The following EYA1 variants were observed in gnomAD, a reference collection of about 807,000 sequenced individuals.
The protein encoded by EYA1 is EYA transcriptional coactivator and phosphatase 1.
A neutral mutation model predicts 82.0 loss-of-function variants in EYA1; 16 were observed. The ratio of observed to expected loss-of-function variants is 0.20; its 90% CI spans 0.13 to 0.30. EYA1 has a LOEUF of 0.30. Among genes scored for constraint, EYA1 ranks in the 10% least tolerant of loss-of-function variants. EYA1 has a pLI of 1.00. For missense variants in EYA1, 633 were observed against 730.7 expected (o/e 0.87, Z 1.54); for synonymous variants, 261 against 264.4 (o/e 0.99, Z 0.12).
chr8:71,463,168 G>A lies in EYA1; in HGVS notation c.33+72576C>T, dbSNP rs184098061. On this transcript the variant is annotated intron_variant, in intron 2 of 18. Transcript: ENST00000643681. ...CAATTTGGGACTAACCACATTTCAC[G>A]TGTTCAATAGCCACATGTGGCTAGT... 1.6e-4 allele frequency among the ~76,000 whole-genome samples: 24 copies of A among 152,216 alleles called. No individual in the cohort carries two copies. In the East Asian group the frequency reaches 4.4e-3, roughly 28 times the overall value.
chr8:71,386,665 T>C (rs965860701), intron 2 of EYA1, among the ~76,000 whole-genome samples: 2 of 152,174 alleles, frequency 1.3e-5, no homozygotes, highest in African/African-American at 4.8e-5. Context: ...TTCTCCATTG[T>C]GTATAATCCA....
chr8:71,518,792 G>A (rs1813174184), intron 2 of EYA1, among the ~76,000 whole-genome samples: 1 of 152,032 alleles, frequency 6.6e-6, no homozygotes, highest in Non-Finnish European at 1.5e-5. Context: ...GGCAAGAAAC[G>A]GGGTTGACAT....
intron 9 of EYA1, among the ~76,000 whole-genome samples, chr8:71,276,758 C>G (rs924192940): frequency 2.0e-5 from 3 of 152,150 alleles, no homozygotes; most frequent in African/African-American, 7.2e-5. Context: ...GAAACAGGAA[C>G]GACAGTCTAG....
chr8:71,504,393 A>C (rs1468004679), intron 2 of EYA1, among the ~76,000 whole-genome samples: 3 of 152,218 alleles, frequency 2.0e-5, no homozygotes, highest in Non-Finnish European at 4.4e-5. Flanking sequence ...GTCCCATTTT[A>C]GTATGGTTAT....
In EYA1 at chr8:71,357,751, C is replaced by T. The variant is rs150101209; in HGVS notation, c.-54-1240G>A. Among the ~76,000 whole-genome samples, 132 of 152,150 alleles carry T rather than the reference C, an allele frequency of 8.7e-4. 1 individual carries two copies. Among genetic ancestry groups the T allele is most frequent in the Middle Eastern group, 3.4e-3 (1 of 294 alleles). On this transcript the variant is annotated intron_variant, in intron 1 of 17. Coordinates refer to ENST00000340726, the MANE Select transcript of EYA1 (RefSeq NM_000503.6). ...GTCCAACTGTCTTGGTATAATGTTACGTAAAATTTCTAGGTATGTTTCTAC... is the reference window on the plus strand; with the variant it reads ...GTCCAACTGTCTTGGTATAATGTTATGTAAAATTTCTAGGTATGTTTCTAC...
intron 9 of EYA1, among the ~76,000 whole-genome samples, chr8:71,286,914 GC>G (rs929977524): frequency 2.7e-5 from 4 of 146,628 alleles, no homozygotes; most frequent in Non-Finnish European, 4.5e-5. Flanking sequence ...GCAATTCCCC[GC>G]CTCAGACTCC....
At chr8:71,210,563 C>T (rs1018602236) in intron 17 of EYA1, among the ~76,000 whole-genome samples, 2 of 152,196 alleles carry the variant, frequency 1.3e-5, no homozygotes, top group Admixed American at 1.3e-4. Flanking sequence ...GATAGAATTA[C>T]ACCTGCAGAG....
Position 71,523,173 on chromosome 8 carries a change from C to CTTTTTTTTTTTTTTTTTTTTT in EYA1, c.33+12570_33+12571insAAAAAAAAAAAAAAAAAAAAA, listed in dbSNP as rs201950125. Among the ~76,000 whole-genome samples, 50 of 110,850 alleles carry CTTTTTTTTTTTTTTTTTTTTT rather than the reference C, an allele frequency of 4.5e-4. 3 individuals carry two copies. The highest frequency in any genetic ancestry group is 9.7e-4 in the South Asian group (3 of 3,078). The allele number at this position is 110,850 out of a possible 152,430, so 72.7% of individuals were successfully genotyped here. Reference sequence around the variant, plus strand: ...TTCAGCTCTTTTTCTTTTCTTTTTTCTTTTTCTTTTTTTTTTTTTTTTTGA... The same window carrying CTTTTTTTTTTTTTTTTTTTTT: ...TTCAGCTCTTTTTCTTTTCTTTTTTCTTTTTTTTTTTTTTTTTTTTTTTTTTCTTTTTTTTTTTTTTTTTGA... On this transcript the variant is annotated intron_variant, in intron 2 of 18. Transcript: ENST00000643681.
chr8:71,330,048 C>T (rs1020718911), intron 4 of EYA1, among the ~76,000 whole-genome samples: 20 of 152,070 alleles, frequency 1.3e-4, no homozygotes, highest in Non-Finnish European at 1.9e-4. Context: ...GTGTGGGGAG[C>T]ATGTCTACCA....
intron 2 of EYA1, among the ~76,000 whole-genome samples, chr8:71,405,756 T>C (rs1448354954): frequency 6.6e-6 from 1 of 152,090 alleles, no homozygotes; most frequent in Non-Finnish European, 1.5e-5. Context: ...ATGTGCAACC[T>C]TTCCATATAC....
At chr8:71,331,285 C>CACACACACACACACACAT (rs554459560) in intron 4 of EYA1, among the ~76,000 whole-genome samples, 2 of 127,474 alleles carry the variant, frequency 1.6e-5, no homozygotes, top group African/African-American at 5.6e-5. Context: ...CACACACACA[C>CACACACACACACACACAT]ATATATATAC....
At chr8:71,199,505 A>G in intron 17 of EYA1, 85 bp from the exon 18 acceptor site, 1 of 810,444 alleles carries the variant, frequency 1.2e-6, no homozygotes, top group Non-Finnish European at 2.1e-6. Context: ...TCCCATGCTG[A>G]CCCCCATTTT....
intron 3 of EYA1, 134 bp downstream of exon 3, chr8:71,354,648 A>G: frequency 2.3e-6 from 2 of 858,252 alleles, no homozygotes; most frequent in East Asian, 5.5e-5. Context: ...TTGGTAAGTC[A>G]CATTATTACC....
At chr8:71,292,912 CAA>C (rs781536714) in intron 9 of EYA1, among the ~76,000 whole-genome samples, 6 of 151,646 alleles carry the variant, frequency 4.0e-5, no homozygotes, top group Non-Finnish European at 7.4e-5. Flanking sequence ...CAAGTTAACT[CAA>C]AAGCAATCAG....
At chr8:71,478,220 T>C (rs1481817450) in intron 2 of EYA1, among the ~76,000 whole-genome samples, 2 of 152,176 alleles carry the variant, frequency 1.3e-5, no homozygotes, top group East Asian at 3.8e-4. Context: ...AGGGAAATAA[T>C]GGTCAGCAAC....
chr8:71,417,470 A>T (rs541872763), intron 2 of EYA1, among the ~76,000 whole-genome samples: 72 of 152,326 alleles, frequency 4.7e-4, no homozygotes, highest in Middle Eastern at 3.4e-3. Context: ...AGTTTTTTTT[A>T]AAATTTCTGA....
intron 2 of EYA1, among the ~76,000 whole-genome samples, chr8:71,524,985 T>A (rs1813700630): frequency 6.6e-6 from 1 of 152,272 alleles, no homozygotes; most frequent in Non-Finnish European, 1.5e-5. Context: ...ATGCTCTTGA[T>A]AAACAGTAGA....
At chr8:71,460,160 G>A (rs966823949) in intron 2 of EYA1, among the ~76,000 whole-genome samples, 2 of 152,152 alleles carry the variant, frequency 1.3e-5, no homozygotes, top group African/African-American at 4.8e-5. Flanking sequence ...AGAGATCTAT[G>A]TAAACAAGTA....
At chr8:71,322,328 T>G (rs1034214945) in intron 4 of EYA1, 60 bp from the exon 5 acceptor site, 1 of 1,384,656 alleles carries the variant, frequency 7.2e-7, no homozygotes, top group South Asian at 1.2e-5. Context: ...ACAAAATATA[T>G]AGAAAGCACT....
Sources: allele counts gnomAD v4.1 joint callset (sites outside exome capture counted in the v4.1 genomes callset), GRCh38; gene constraint gnomAD v4.1.1; transcripts MANE v1.5; gene names NCBI Gene and HGNC (gene_info 2026-07-23, HGNC 2026-07-21).